The following ARHGAP15 variants were observed in gnomAD, a reference collection of about 807,000 sequenced individuals.
The protein encoded by ARHGAP15 is Rho GTPase activating protein 15, also known as rho GTPase-activating protein 15.
In ARHGAP15, 51 loss-of-function variants were observed where a neutral mutation model predicts 63.7. The observed-to-expected ratio is 0.80, with a 90% CI of 0.64 to 1.01. The LOEUF (loss-of-function observed/expected upper bound fraction) is 1.01. Among genes scored for constraint, ARHGAP15 ranks in the 50% least tolerant of loss-of-function variants. The pLI is 0.00. For synonymous variants in ARHGAP15, 191 were observed against 193.8 expected, an observed-to-expected ratio of 0.99 and a Z score of 0.12; for missense variants, 560 against 564.6, an observed-to-expected ratio of 0.99 and a Z score of 0.08.
intron 6 of ARHGAP15, among the ~76,000 whole-genome samples, chr2:143,416,818 ACCACCCCC>A (rs1688702994): frequency 2.1e-5 from 2 of 96,442 alleles, no homozygotes; most frequent in African/African-American, 8.4e-5. Context: ...CACTTCCCCC[ACCACCCCC>A]CCACCCCCAC....
At chr2:143,260,197 A>G (rs1680648846) in intron 6 of ARHGAP15, among the ~76,000 whole-genome samples, 1 of 152,186 alleles carries the variant, frequency 6.6e-6, no homozygotes, top group South Asian at 2.1e-4. Flanking sequence ...TATTCAGTTC[A>G]CATCGCACTT....
At chr2:143,443,751 C>A (rs1690005100) in intron 8 of ARHGAP15, among the ~76,000 whole-genome samples, 2 of 152,110 alleles carry the variant, frequency 1.3e-5, no homozygotes, top group Admixed American at 1.3e-4. Context: ...ATTTGATAGT[C>A]AAGCATCCAC....
At chr2:143,598,545 G>T (rs548933794) in intron 11 of ARHGAP15, among the ~76,000 whole-genome samples, 1 of 152,206 alleles carries the variant, frequency 6.6e-6, no homozygotes, top group African/African-American at 2.4e-5. Flanking sequence ...CACCCAATAG[G>T]TATATAGCCA....
intron 8 of ARHGAP15, among the ~76,000 whole-genome samples, chr2:143,469,500 G>A (rs1391483441): frequency 6.6e-6 from 1 of 152,196 alleles, no homozygotes; most frequent in Non-Finnish European, 1.5e-5. Context: ...CCACACGCGA[G>A]CTCCAGTGGG....
chr2:143,143,521 C>G (rs948048539), intron 1 of ARHGAP15, among the ~76,000 whole-genome samples: 2 of 150,474 alleles, frequency 1.3e-5, no homozygotes, highest in Non-Finnish European at 3.0e-5. Flanking sequence ...TTTTTTTTCT[C>G]ACACCAAACT....
At chr2:143,278,402 G>A (rs1393358489) in intron 6 of ARHGAP15, among the ~76,000 whole-genome samples, 1 of 152,146 alleles carries the variant, frequency 6.6e-6, no homozygotes, top group African/African-American at 2.4e-5. Flanking sequence ...CCTGCGAGAG[G>A]AATGGAGGTA....
chr2:143,702,086 G>A (rs575340869), intron 12 of ARHGAP15, among the ~76,000 whole-genome samples: 1 of 152,332 alleles, frequency 6.6e-6, no homozygotes, highest in East Asian at 1.9e-4. Context: ...TGGTTATTGG[G>A]TGGATGTTTG....
intron 12 of ARHGAP15, among the ~76,000 whole-genome samples, chr2:143,691,830 T>C (rs543154272): frequency 4.6e-5 from 7 of 152,332 alleles, no homozygotes; most frequent in Admixed American, 2.0e-4. Context: ...CCATTGCAGA[T>C]TGGCTGTTTT....
intron 6 of ARHGAP15, among the ~76,000 whole-genome samples, chr2:143,418,030 T>C (rs1447748198): frequency 6.6e-6 from 1 of 152,220 alleles, no homozygotes; most frequent in Non-Finnish European, 1.5e-5. Flanking sequence ...CTAATAGGAA[T>C]AGTATATTTT....
chr2:143,744,710 C>G (rs1395213134), intron 13 of ARHGAP15, among the ~76,000 whole-genome samples: 1 of 152,154 alleles, frequency 6.6e-6, no homozygotes, highest in African/African-American at 2.4e-5. Flanking sequence ...ACTTAACCAC[C>G]AACATTAGTA....
chr2:143,139,706 A>G (rs1056916693), intron 1 of ARHGAP15, among the ~76,000 whole-genome samples: 7 of 152,156 alleles, frequency 4.6e-5, no homozygotes, highest in African/African-American at 1.7e-4. Context: ...GGGAGGACAC[A>G]GAAGGGCTAG....
At chr2:143,328,132 T>C (rs1416962463) in intron 6 of ARHGAP15, among the ~76,000 whole-genome samples, 2 of 152,200 alleles carry the variant, frequency 1.3e-5, no homozygotes, top group African/African-American at 2.4e-5. Context: ...GGAACACTTT[T>C]ACACTATTGG....
rs149606950 is a variant in ARHGAP15 at position 143,505,411 on chromosome 2, G to A, written c.827-13855G>A. 5.1e-4 allele frequency among the ~76,000 whole-genome samples: 77 copies of A among 152,276 alleles called. 1 individual carries two copies. Among genetic ancestry groups the A allele is most frequent in the African/African-American group, 1.7e-3 (69 of 41,554 alleles). On this transcript the variant is annotated intron_variant, in intron 9 of 13. Coordinates refer to ENST00000295095, the MANE Select transcript of ARHGAP15 (RefSeq NM_018460.4). ...GGTGGGCAACTTTGGGACAGGATAA[G>A]GTGTTTTGGAAATGTTGTTGCATTG...
At chr2:143,317,197 G>A (rs773982156) in intron 6 of ARHGAP15, among the ~76,000 whole-genome samples, 6,843 of 152,046 alleles carry the variant, frequency 0.045, no homozygotes, top group Non-Finnish European at 0.066. Flanking sequence ...TGTCTTTCTT[G>A]TCCCCCAGTG....
At position 143,374,907 on chromosome 2, in the gene ARHGAP15, T is replaced by C. The variant is rs577998130; in HGVS notation, c.475-60694T>C. ...ATTTTATAATCTCAGAATTTAATGC[T>C]GTTAATACATGTGTGCCAAAATGAT... On this transcript the variant is annotated intron_variant, in intron 6 of 13. Coordinates refer to ENST00000295095, the MANE Select transcript of ARHGAP15 (RefSeq NM_018460.4). Among the ~76,000 whole-genome samples the C allele has an allele frequency of 1.1e-3, 171 of 152,290 alleles. 1 individual carries two copies. Among genetic ancestry groups the C allele is most frequent in the Non-Finnish European group, 1.9e-3 (126 of 68,018 alleles).
At chr2:143,150,390 A>G (rs1286117804) in intron 1 of ARHGAP15, among the ~76,000 whole-genome samples, 1 of 151,988 alleles carries the variant, frequency 6.6e-6, no homozygotes, top group South Asian at 2.1e-4. Flanking sequence ...TATGAGTAGG[A>G]AAATCAAGCC....
At chr2:143,538,138 G>A (rs1694868018) in intron 10 of ARHGAP15, among the ~76,000 whole-genome samples, 1 of 152,038 alleles carries the variant, frequency 6.6e-6, no homozygotes, top group South Asian at 2.1e-4. Flanking sequence ...TCTCTTTGAA[G>A]CAATTGTGAA....
At chr2:143,361,859 T>C (rs1686070113) in intron 6 of ARHGAP15, among the ~76,000 whole-genome samples, 1 of 152,188 alleles carries the variant, frequency 6.6e-6, no homozygotes, top group Non-Finnish European at 1.5e-5. Flanking sequence ...TTTTTCTAGT[T>C]GTTCACTGTT....
chr2:143,192,126 A>T (rs1187528213), intron 2 of ARHGAP15, among the ~76,000 whole-genome samples: 1 of 152,218 alleles, frequency 6.6e-6, no homozygotes, highest in Non-Finnish European at 1.5e-5. Context: ...TGACAGCTCT[A>T]TTCATTCCAC....
Sources: gnomAD v4.1 joint callset for allele counts (sites outside exome capture counted in the v4.1 genomes callset) on GRCh38, gnomAD v4.1.1 for gene constraint, MANE v1.5 for transcripts, NCBI Gene and HGNC (gene_info 2026-07-23, HGNC 2026-07-21) for gene names.